Variants in DHRSX observed in about 807,000 individuals in gnomAD.
The protein encoded by DHRSX is polyprenol dehydrogenase.
A neutral mutation model predicts 34.0 loss-of-function variants in DHRSX; 31 were observed. The observed-to-expected ratio is 0.91, with a 90% CI of 0.69 to 1.23. The LOEUF is 1.23. Ranked by LOEUF, DHRSX falls within the 50% of genes most tolerant of loss-of-function variation. DHRSX has a pLI of 0.00. For synonymous variants in DHRSX, 201 were observed against 183.8 expected (o/e 1.09, Z -0.76); for missense variants, 414 against 428.1 (o/e 0.97, Z 0.29).
chrX:2,313,081 C>A (rs1602923480), intron 3 of DHRSX, among the ~76,000 whole-genome samples: 1 of 151,452 alleles, frequency 6.6e-6, no homozygotes, highest in Non-Finnish European at 1.5e-5. Flanking sequence ...TGGCTCGCTG[C>A]AACCTCTGCC....
At chrX:2,306,050 C>T (rs1304951870) in intron 3 of DHRSX, among the ~76,000 whole-genome samples, 1 of 152,036 alleles carries the variant, frequency 6.6e-6, no homozygotes. Context: ...TTGATAGGTG[C>T]AGCAAACCAC....
At chrX:2,339,131 G>A (rs781203382) in intron 3 of DHRSX, among the ~76,000 whole-genome samples, 1 of 151,796 alleles carries the variant, frequency 6.6e-6, no homozygotes, top group Non-Finnish European at 1.5e-5. Flanking sequence ...GGTTATATAA[G>A]TAAGTTCTTT....
At position 2,266,953 on chromosome X, in the gene DHRSX, CAA is replaced by C. The variant is rs2041483240; in HGVS notation, c.389-8_389-7del. 3.1e-6 allele frequency: 5 copies of C among 1,613,656 alleles called. No homozygotes were observed. The highest frequency in any genetic ancestry group is 3.4e-6 in the Non-Finnish European group (4 of 1,179,746). ...AGGGACCATCATCACCCCAGCTGGACAAAAGAGAATATCAGAAGGAGTTAGAC... is the reference window on the plus strand; with the variant it reads ...AGGGACCATCATCACCCCAGCTGGACAAGAGAATATCAGAAGGAGTTAGAC... On this transcript the variant is annotated splice_polypyrimidine_tract_variant and splice_region_variant and intron_variant, in intron 4 of 6. Coordinates refer to ENST00000334651, the MANE Select transcript of DHRSX (RefSeq NM_145177.3).
At chrX:2,496,525 C>T (rs900772831) in intron 1 of DHRSX, among the ~76,000 whole-genome samples, 25 of 152,128 alleles carry the variant, frequency 1.6e-4, no homozygotes, top group East Asian at 3.8e-4. Context: ...AAATGTCTTG[C>T]GTGCAGTGTA....
intron 4 of DHRSX, among the ~76,000 whole-genome samples, chrX:2,285,825 C>T (rs1247213965): frequency 6.6e-6 from 1 of 152,150 alleles, no homozygotes; most frequent in Non-Finnish European, 1.5e-5. Context: ...TTCTGATGCA[C>T]AAACCAACGA....
intron 4 of DHRSX, among the ~76,000 whole-genome samples, chrX:2,273,210 T>A (rs1397552250): frequency 6.6e-6 from 1 of 151,946 alleles, no homozygotes; most frequent in African/African-American, 2.4e-5. Context: ...AATAAATCAA[T>A]AAAATAAAAT....
chrX:2,463,849 A>G lies in DHRSX; in HGVS notation c.109+36968T>C, dbSNP rs542132390. 2.3e-3 allele frequency among the ~76,000 whole-genome samples: 353 copies of G among 152,306 alleles called. 2 individuals are homozygous for G. In the Middle Eastern group the frequency reaches 0.034, roughly 15 times the overall value. ...GGGTGAAAAGGACACAGACACAGAC[A>G]CGCAGAAGAATGTGGCCAAGGGATC... On this transcript the variant is annotated intron_variant, in intron 1 of 6. Coordinates refer to ENST00000334651, the MANE Select transcript of DHRSX (RefSeq NM_145177.3).
chrX:2,355,444 A>T (rs7049951), intron 3 of DHRSX, among the ~76,000 whole-genome samples: 65,362 of 145,638 alleles, frequency 0.45, 15,260 homozygotes, highest in Non-Finnish European at 0.52. Flanking sequence ...CCTGGGACGC[A>T]AAGGTTGCAG....
intron 3 of DHRSX, among the ~76,000 whole-genome samples, chrX:2,323,638 G>C (rs1408820600): frequency 6.6e-6 from 1 of 152,050 alleles, no homozygotes; most frequent in Non-Finnish European, 1.5e-5. Flanking sequence ...GAATGATGAT[G>C]CGTACCTACA....
intron 1 of DHRSX, among the ~76,000 whole-genome samples, chrX:2,444,915 G>C (rs2044108937): frequency 1.3e-5 from 2 of 152,114 alleles, no homozygotes; most frequent in Non-Finnish European, 2.9e-5. Flanking sequence ...CCAGCACTTT[G>C]GGAGGCCGAG....
At chrX:2,454,795 A>G (rs900540773) in intron 1 of DHRSX, among the ~76,000 whole-genome samples, 1 of 152,076 alleles carries the variant, frequency 6.6e-6, no homozygotes, top group Non-Finnish European at 1.5e-5. Context: ...CATATACACT[A>G]TGGAATACTA....
intron 3 of DHRSX, among the ~76,000 whole-genome samples, chrX:2,395,652 G>A (rs2043400195): frequency 6.6e-6 from 1 of 152,042 alleles, no homozygotes; most frequent in African/African-American, 2.4e-5. Flanking sequence ...GAACCCCCAG[G>A]GGACTTGGAA....
At chrX:2,474,879 C>T (rs2044652848) in intron 1 of DHRSX, among the ~76,000 whole-genome samples, 1 of 151,862 alleles carries the variant, frequency 6.6e-6, no homozygotes, top group African/African-American at 2.4e-5. Context: ...AAGACGTTCC[C>T]TAAGAATGCG....
chrX:2,344,642 C>G (rs1377783499), intron 3 of DHRSX, among the ~76,000 whole-genome samples: 1 of 151,846 alleles, frequency 6.6e-6, no homozygotes, highest in African/African-American at 2.4e-5. Context: ...CATGTTCTCA[C>G]TCATAAGTGA....
chrX:2,285,833 C>T (rs956199695), intron 4 of DHRSX, among the ~76,000 whole-genome samples: 3 of 151,966 alleles, frequency 2.0e-5, no homozygotes, highest in Admixed American at 6.6e-5. Flanking sequence ...CACAAACCAA[C>T]GAGAAAAATC....
chrX:2,328,152 T>C (rs1460390888), intron 3 of DHRSX, among the ~76,000 whole-genome samples: 5 of 150,378 alleles, frequency 3.3e-5, no homozygotes, highest in African/African-American at 1.2e-4. Flanking sequence ...AGTGAGAAGA[T>C]GGCATCTACA....
intron 3 of DHRSX, among the ~76,000 whole-genome samples, chrX:2,385,106 A>ATGTGTGTG (rs1569495967): frequency 1.2e-4 from 8 of 67,518 alleles, no homozygotes; most frequent in South Asian, 1.3e-3. Flanking sequence ...CATCTCAAAT[A>ATGTGTGTG]TATATGTGTG....
intron 5 of DHRSX, among the ~76,000 whole-genome samples, chrX:2,266,182 T>G (rs1185167300): frequency 7.0e-6 from 1 of 142,006 alleles, no homozygotes; most frequent in Non-Finnish European, 1.5e-5. Context: ...GGGAGCACTG[T>G]CCCCAGAGCA....
intron 3 of DHRSX, among the ~76,000 whole-genome samples, chrX:2,298,051 T>C (rs1366680168): frequency 6.6e-6 from 1 of 152,084 alleles, no homozygotes; most frequent in African/African-American, 2.4e-5. Context: ...CTACCACGCC[T>C]AGCCTGGGGT....
Sources: gnomAD v4.1 joint callset for allele counts (sites outside exome capture counted in the v4.1 genomes callset) on GRCh38, gnomAD v4.1.1 for gene constraint, MANE v1.5 for transcripts, NCBI Gene and HGNC (gene_info 2026-07-23, HGNC 2026-07-21) for gene names.